Variants in ZNF385B observed in about 807,000 individuals in gnomAD.
ZNF385B encodes the protein zinc finger protein 385B.
In ZNF385B, 23 loss-of-function variants were observed where a neutral mutation model predicts 39.2. The ratio of observed to expected loss-of-function variants is 0.59; its 90% confidence interval spans 0.42 to 0.83. The LOEUF is 0.83. Ranked by LOEUF, ZNF385B falls within the 40% of genes least tolerant of loss-of-function variation. The probability of loss-of-function intolerance (pLI) is 0.00; values close to 1 mark genes in which losing one functional copy is unlikely to be tolerated. For missense variants in ZNF385B, 552 were observed against 598.9 expected, an observed-to-expected ratio of 0.92 and a Z score of 0.82; for synonymous variants, 205 against 222.6, an observed-to-expected ratio of 0.92 and a Z score of 0.70.
chr2:179,689,825 GTT>G (rs1491388561), intron 3 of ZNF385B, among the ~76,000 whole-genome samples: 116 of 43,294 alleles, frequency 2.7e-3, no homozygotes, highest in Non-Finnish European at 3.5e-3. Flanking sequence ...GTGTGTGTGT[GTT>G]TATTTGTTTT....
intron 3 of ZNF385B, among the ~76,000 whole-genome samples, chr2:179,649,091 T>A (rs998141031): frequency 6.6e-5 from 10 of 152,226 alleles, no homozygotes; most frequent in Non-Finnish European, 1.3e-4. Flanking sequence ...TAGCATCATT[T>A]TCATGATATT....
chr2:179,677,784 C>G (rs1276290323), intron 3 of ZNF385B, among the ~76,000 whole-genome samples: 2 of 152,138 alleles, frequency 1.3e-5, no homozygotes, highest in African/African-American at 4.8e-5. Context: ...GAAGAGATTC[C>G]ATTTTTTCCC....
rs372885179 is a variant in ZNF385B, at chr2:179,625,566, T to C, written c.299-80597A>G. Among the ~76,000 whole-genome samples, 7 of 152,214 alleles carry C rather than the reference T, an allele frequency of 4.6e-5. No homozygotes were observed. The South Asian group carries it at 1.0e-3, about 23-fold the overall frequency. The stretch of plus-strand genomic sequence containing the variant: ...TGGCTAAATAATGTTGGGTGAACTT[T>C]AGCCATTTTCACTATTAACAATAAT... On this transcript the variant is annotated intron_variant, in intron 3 of 9. Coordinates refer to ENST00000410066, the MANE Select transcript of ZNF385B (RefSeq NM_152520.6).
intron 3 of ZNF385B, among the ~76,000 whole-genome samples, chr2:179,728,267 T>C (rs1428250952): frequency 6.6e-6 from 1 of 152,166 alleles, no homozygotes; most frequent in Non-Finnish European, 1.5e-5. Context: ...AAACTGTGAG[T>C]GCAGCCGAAC....
Position 179,851,646 on chromosome 2 carries a change from A to AAAATAATC in ZNF385B, c.-155+9447_-155+9454dup. ...TGATAGAACACTATTGCTGGATTTTAAAATAATCAATGATCAGAGTTAGAG... is the reference window on the plus strand; with the variant it reads ...TGATAGAACACTATTGCTGGATTTTAAAATAATCAAATAATCAATGATCAGAGTTAGAG... On this transcript the variant is annotated intron_variant, in intron 1 of 9. Transcript: ENST00000410066. Among the ~76,000 whole-genome samples, 4 of 152,340 alleles carry AAAATAATC rather than the reference A, an allele frequency of 2.6e-5. No individual in the cohort carries two copies. The Middle Eastern group carries it at 0.01, about 389-fold the overall frequency.
chr2:179,720,630 T>C (rs1700629955), intron 3 of ZNF385B, among the ~76,000 whole-genome samples: 1 of 152,092 alleles, frequency 6.6e-6, no homozygotes, highest in Admixed American at 6.6e-5. Flanking sequence ...CAATTATCTC[T>C]ATCAGCATAA....
At chr2:179,847,391 T>C (rs1708852448) in intron 1 of ZNF385B, among the ~76,000 whole-genome samples, 3 of 152,248 alleles carry the variant, frequency 2.0e-5, no homozygotes, top group African/African-American at 7.2e-5. Context: ...ATATAGTTCA[T>C]AATTAATACA....
chr2:179,807,851 C>T (rs1325211290), intron 1 of ZNF385B, among the ~76,000 whole-genome samples: 3 of 144,778 alleles, frequency 2.1e-5, no homozygotes, highest in African/African-American at 2.6e-5. Context: ...GCTGAGATCA[C>T]GCCACTGCAC....
intron 3 of ZNF385B, among the ~76,000 whole-genome samples, chr2:179,718,974 A>T (rs1700508946): frequency 6.9e-6 from 1 of 145,460 alleles, no homozygotes; most frequent in African/African-American, 2.5e-5. Context: ...GTGTGTGTAT[A>T]TATATTTTTT....
At chr2:179,757,446 G>A (rs1196317381) in intron 3 of ZNF385B, among the ~76,000 whole-genome samples, 2 of 152,158 alleles carry the variant, frequency 1.3e-5, no homozygotes, top group Admixed American at 6.5e-5. Context: ...CCGTTCTCAG[G>A]TCTCAAACTC....
chr2:179,571,550 C>T (rs1201390959), intron 3 of ZNF385B, among the ~76,000 whole-genome samples: 1 of 152,168 alleles, frequency 6.6e-6, no homozygotes, highest in Non-Finnish European at 1.5e-5. Context: ...CCACATTGTA[C>T]TCTTAATCAG....
intron 3 of ZNF385B, among the ~76,000 whole-genome samples, chr2:179,604,498 A>G (rs1011954269): frequency 2.6e-5 from 4 of 152,084 alleles, no homozygotes; most frequent in African/African-American, 9.6e-5. Context: ...GTTGGAACCC[A>G]GAACTCCCAA....
At chr2:179,626,352 G>A (rs1459650011) in intron 3 of ZNF385B, among the ~76,000 whole-genome samples, 1 of 152,130 alleles carries the variant, frequency 6.6e-6, no homozygotes, top group African/African-American at 2.4e-5. Flanking sequence ...CAAAGGAGAT[G>A]GGATAGATGA....
chr2:179,768,728 C>T (rs762053441), intron 3 of ZNF385B, among the ~76,000 whole-genome samples: 1 of 152,206 alleles, frequency 6.6e-6, no homozygotes, highest in Non-Finnish European at 1.5e-5. Flanking sequence ...ATAAATTTCA[C>T]ATTTTTCTTT....
At chr2:179,568,669 G>A (rs1684871632) in intron 3 of ZNF385B, among the ~76,000 whole-genome samples, 1 of 152,322 alleles carries the variant, frequency 6.6e-6, no homozygotes, top group East Asian at 1.9e-4. Flanking sequence ...GCAAAAATAT[G>A]TTGGGTGTGT....
At chr2:179,680,093 T>G (rs2106323641) in intron 3 of ZNF385B, among the ~76,000 whole-genome samples, 1 of 152,320 alleles carries the variant, frequency 6.6e-6, no homozygotes, top group Admixed American at 6.5e-5. Flanking sequence ...ATTTTAGGAA[T>G]GCAAGATTGG....
chr2:179,445,470 A>G (rs2049377922), intron 8 of ZNF385B, 80 bp downstream of exon 8: 2 of 1,439,174 alleles, frequency 1.4e-6, no homozygotes, highest in Non-Finnish European at 1.9e-6. Context: ...GAGCACAGTA[A>G]AAACCATTCT....
chr2:179,549,618 T>C (rs1357404252), intron 3 of ZNF385B, among the ~76,000 whole-genome samples: 1 of 149,952 alleles, frequency 6.7e-6, no homozygotes, highest in Admixed American at 6.6e-5. Flanking sequence ...AAAATTTCTA[T>C]TTCAATGATC....
At chr2:179,711,242 C>T (rs1430530499) in intron 3 of ZNF385B, among the ~76,000 whole-genome samples, 2 of 152,192 alleles carry the variant, frequency 1.3e-5, no homozygotes, top group Admixed American at 1.3e-4. Context: ...CATATTCCTG[C>T]TATAGAATCT....
Sources: gnomAD v4.1 joint callset for allele counts (sites outside exome capture counted in the v4.1 genomes callset) on GRCh38, gnomAD v4.1.1 for gene constraint, MANE v1.5 for transcripts, NCBI Gene and HGNC (gene_info 2026-07-23, HGNC 2026-07-21) for gene names.